Variants in RBFOX1 observed in about 807,000 individuals in gnomAD.
RBFOX1 encodes RNA binding protein fox-1 homolog 1.
In RBFOX1, 8 loss-of-function variants were observed where a neutral mutation model predicts 57.7. The observed-to-expected ratio is 0.14, with a 90% CI of 0.08 to 0.25. The LOEUF is 0.25. RBFOX1 is among the 10% of genes least tolerant of loss of function. The pLI is 1.00. For missense variants in RBFOX1, 611 were observed against 548.5 expected (o/e 1.11, Z -1.14); for synonymous variants, 326 against 222.4 (o/e 1.47, Z -4.15).
rs79396725 is a variant in RBFOX1, at chr16:7,486,074, T to G, written c.28-32073T>G. On this transcript the variant is annotated intron_variant, in intron 4 of 15. Transcript: ENST00000550418. ...CTTCTGTGCTACCACTTGGTGTGTT[T>G]GCAACTTCACTGTGCTGTCTGTGGG... Among the ~76,000 whole-genome samples, 260 of 151,872 alleles carry G rather than the reference T, an allele frequency of 1.7e-3. 2 individuals carry two copies. The South Asian group carries it at 0.025, about 15-fold the overall frequency.
At chr16:5,533,876 G>C (rs1435945584) in intron 2 of RBFOX1, among the ~76,000 whole-genome samples, 1 of 152,134 alleles carries the variant, frequency 6.6e-6, no homozygotes, top group Admixed American at 6.5e-5. Flanking sequence ...AGGTGGGCAG[G>C]GGTGTTGGTC....
chr16:5,594,851 G>A (rs1306226373), intron 2 of RBFOX1, among the ~76,000 whole-genome samples: 1 of 151,834 alleles, frequency 6.6e-6, no homozygotes, highest in Non-Finnish European at 1.5e-5. Flanking sequence ...AAAATGTGTG[G>A]CTGAATGTGG....
chr16:5,903,020 G>C (rs1406724694), intron 4 of RBFOX1, among the ~76,000 whole-genome samples: 4 of 151,998 alleles, frequency 2.6e-5, no homozygotes, highest in South Asian at 2.1e-4. Flanking sequence ...CCCCTTTCCA[G>C]CCTCCCATGG....
chr16:6,200,752 G>A (rs996865807), intron 1 of RBFOX1, among the ~76,000 whole-genome samples: 1 of 152,180 alleles, frequency 6.6e-6, no homozygotes, highest in Non-Finnish European at 1.5e-5. Context: ...ATTGTGATGG[G>A]ATAGACAAGG....
At chr16:5,419,422 A>T (rs2067249550) in intron 1 of RBFOX1, among the ~76,000 whole-genome samples, 3 of 151,808 alleles carry the variant, frequency 2.0e-5, no homozygotes, top group Admixed American at 2.0e-4. Context: ...CTTCTGCCAG[A>T]TTTTTTTCTG....
chr16:7,250,675 C>T (rs549538471), intron 4 of RBFOX1, among the ~76,000 whole-genome samples: 21 of 152,264 alleles, frequency 1.4e-4, no homozygotes, highest in Middle Eastern at 3.4e-3. Flanking sequence ...TCTTGAAGGA[C>T]GTCATACTGA....
chr16:5,772,950 G>A (rs1412972344), intron 3 of RBFOX1, among the ~76,000 whole-genome samples: 4 of 152,184 alleles, frequency 2.6e-5, no homozygotes, highest in African/African-American at 9.7e-5. Context: ...AGCTGACTGT[G>A]CAAAGGTCCT....
intron 2 of RBFOX1, among the ~76,000 whole-genome samples, chr16:6,371,723 T>C (rs1275981184): frequency 6.6e-6 from 1 of 152,112 alleles, no homozygotes; most frequent in Non-Finnish European, 1.5e-5. Context: ...AAATAGACAA[T>C]ATAGATAGAA....
At chr16:5,372,339 C>T (rs749139187) in intron 1 of RBFOX1, among the ~76,000 whole-genome samples, 2 of 152,130 alleles carry the variant, frequency 1.3e-5, no homozygotes, top group African/African-American at 4.8e-5. Flanking sequence ...ACCTCTTTCT[C>T]CCCCAATAAA....
intron 2 of RBFOX1, among the ~76,000 whole-genome samples, chr16:6,342,438 C>T (rs1447274952): frequency 6.6e-6 from 1 of 152,148 alleles, no homozygotes; most frequent in Non-Finnish European, 1.5e-5. Flanking sequence ...CGTCAAGGTG[C>T]TTAGCATAGA....
chr16:7,378,422 C>G (rs7190881), intron 4 of RBFOX1, among the ~76,000 whole-genome samples: 91,123 of 151,918 alleles, frequency 0.6, 28,130 homozygotes, highest in African/African-American at 0.74. Context: ...AGGTGCAACA[C>G]TGTTAGCGGA....
intron 1 of RBFOX1, among the ~76,000 whole-genome samples, chr16:6,114,606 A>G (rs1335999198): frequency 1.3e-5 from 2 of 152,156 alleles, no homozygotes; most frequent in Non-Finnish European, 2.9e-5. Flanking sequence ...CACTGCCTTT[A>G]GTTCAGTCTT....
chr16:7,613,023 C>T (rs1161090909), intron 10 of RBFOX1, among the ~76,000 whole-genome samples: 1 of 152,074 alleles, frequency 6.6e-6, no homozygotes, highest in Non-Finnish European at 1.5e-5. Context: ...GAGACGTGAT[C>T]AATAGGGAAA....
At chr16:5,953,440 C>G (rs984617643) in intron 4 of RBFOX1, among the ~76,000 whole-genome samples, 1 of 152,062 alleles carries the variant, frequency 6.6e-6, no homozygotes, top group Non-Finnish European at 1.5e-5. Flanking sequence ...ACATCTATCA[C>G]CTGAGCACTG....
intron 4 of RBFOX1, among the ~76,000 whole-genome samples, chr16:7,173,375 T>C (rs963564883): frequency 1.3e-5 from 2 of 152,158 alleles, no homozygotes; most frequent in African/African-American, 4.8e-5. Context: ...TTCACTGTCA[T>C]GCTATAAAAC....
intron 2 of RBFOX1, among the ~76,000 whole-genome samples, chr16:6,499,465 C>T (rs535222979): frequency 3.3e-5 from 5 of 152,134 alleles, no homozygotes; most frequent in East Asian, 3.9e-4. Flanking sequence ...TATCACACAG[C>T]CTAGGGACAA....
At chr16:7,127,416 T>C (rs1296196523) in intron 4 of RBFOX1, among the ~76,000 whole-genome samples, 1 of 152,218 alleles carries the variant, frequency 6.6e-6, no homozygotes, top group Non-Finnish European at 1.5e-5. Context: ...ACTTAGCCAC[T>C]ATTATCCCCA....
intron 4 of RBFOX1, among the ~76,000 whole-genome samples, chr16:7,059,239 C>A (rs1270745314): frequency 1.3e-5 from 2 of 152,174 alleles, no homozygotes; most frequent in African/African-American, 4.8e-5. Flanking sequence ...GCTTTTCATT[C>A]CTTAGTGGCT....
At chr16:6,677,248 A>G (rs950642181) in intron 3 of RBFOX1, among the ~76,000 whole-genome samples, 3 of 152,202 alleles carry the variant, frequency 2.0e-5, no homozygotes, top group Non-Finnish European at 4.4e-5. Flanking sequence ...TAGAGACCAT[A>G]GATAATTTAG....
Sources: allele counts gnomAD v4.1 joint callset (sites outside exome capture counted in the v4.1 genomes callset), GRCh38; gene constraint gnomAD v4.1.1; transcripts MANE v1.5; gene names NCBI Gene and HGNC (gene_info 2026-07-23, HGNC 2026-07-21).